Variants in TENM4 observed in about 807,000 individuals in gnomAD.
TENM4 encodes the protein teneurin transmembrane protein 4.
A neutral mutation model predicts 243.3 loss-of-function variants in TENM4; 82 were observed. The ratio of observed to expected loss-of-function variants is 0.34; its 90% CI spans 0.28 to 0.40. The LOEUF (loss-of-function observed/expected upper bound fraction) is 0.40. Ranked by LOEUF, TENM4 falls within the 10% of genes least tolerant of loss-of-function variation. The pLI is 1.00. For missense variants in TENM4, 3,138 were observed against 3,673.3 expected (o/e 0.85, Z 3.77); for synonymous variants, 1,412 against 1,456.3 (o/e 0.97, Z 0.69).
intron 4 of TENM4, among the ~76,000 whole-genome samples, chr11:79,077,065 A>C (rs1359829217): frequency 6.6e-6 from 1 of 152,164 alleles, no homozygotes; most frequent in East Asian, 1.9e-4. Context: ...TCATTTGGTA[A>C]TCATTGCTAA....
intron 19 of TENM4, among the ~76,000 whole-genome samples, chr11:78,740,941 G>A (rs1006839673): frequency 3.3e-5 from 5 of 152,222 alleles, no homozygotes; most frequent in African/African-American, 1.2e-4. Flanking sequence ...GGGCTCCCGT[G>A]GATTGCTTTT....
intron 3 of TENM4, among the ~76,000 whole-genome samples, chr11:79,168,362 A>T (rs991179477): frequency 1.3e-5 from 2 of 152,128 alleles, no homozygotes; most frequent in Non-Finnish European, 2.9e-5. Flanking sequence ...TTGTGGGAGA[A>T]TGACATGGTG....
intron 19 of TENM4, among the ~76,000 whole-genome samples, chr11:78,755,236 C>T (rs1014255413): frequency 6.6e-6 from 1 of 152,172 alleles, no homozygotes; most frequent in South Asian, 2.1e-4. Context: ...ACGGTCTTGG[C>T]TCACTGCAGC....
chr11:79,360,640 A>C (rs868396434), intron 1 of TENM4, among the ~76,000 whole-genome samples: 104 of 152,206 alleles, frequency 6.8e-4, no homozygotes, highest in Non-Finnish European at 1.4e-3. Context: ...ATGGAGCTAA[A>C]TGCCTCTGTT....
chr11:78,837,765 T>C (rs1048666885), intron 12 of TENM4, among the ~76,000 whole-genome samples: 1 of 152,234 alleles, frequency 6.6e-6, no homozygotes, highest in African/African-American at 2.4e-5. Context: ...CTGAAAATTA[T>C]AAGCATTTTC....
Position 78,738,468 on chromosome 11 carries a change from G to T in TENM4, c.2859C>A (p.Ile953=). ...FVNNPLFGYT[I]SRQDGSFDLV... ...TCTCCTACCTGCCATCTTGCCTGCT[G>T]ATTGTATATCCAAAGAGAGGGTTAT... Residue 953 remains isoleucine, a synonymous_variant, in exon 20 of 34, where the codon ATC becomes ATA. Coordinates refer to ENST00000278550, the MANE Select transcript of TENM4 (RefSeq NM_001098816.3). 1.2e-6 allele frequency: 2 copies of T among 1,613,804 alleles called. No homozygotes were observed. Among genetic ancestry groups the T allele is most frequent in the South Asian group, 1.1e-5 (1 of 91,020 alleles).
At chr11:78,903,562 G>T in intron 6 of TENM4, 39 bp from the exon 7 acceptor site, 2 of 1,540,652 alleles carry the variant, frequency 1.3e-6, no homozygotes. Context: ...GGTGAGCTTG[G>T]TGCTGCCCCT....
At chr11:79,150,297 T>G (rs1479311278) in intron 3 of TENM4, among the ~76,000 whole-genome samples, 1 of 152,194 alleles carries the variant, frequency 6.6e-6, no homozygotes, top group Non-Finnish European at 1.5e-5. Context: ...GATGTGGCTC[T>G]CAAATAAGCC....
chr11:78,931,535 C>T (rs920683353), intron 6 of TENM4, among the ~76,000 whole-genome samples: 1 of 152,228 alleles, frequency 6.6e-6, no homozygotes, highest in Non-Finnish European at 1.5e-5. Flanking sequence ...CCACTGATCT[C>T]ATAAGGAAGG....
chr11:78,968,998 T>C (rs1361623566), intron 6 of TENM4, among the ~76,000 whole-genome samples: 2 of 152,318 alleles, frequency 1.3e-5, no homozygotes, highest in East Asian at 3.9e-4. Flanking sequence ...TTTACTTCTC[T>C]TAGTGTTAAT....
In TENM4 at chr11:78,934,997, CTTTTTTTTTTT is replaced by C. The variant is rs530062569; in HGVS notation, c.494-31485_494-31475del. ...ATTTTGTGAGTGAGGAAGTATGCAA[CTTTTTTTTTTT>C]TTTTTTTTTTTTTTGAGACGGAGTC... On this transcript the variant is annotated intron_variant, in intron 6 of 33. Transcript: ENST00000278550. 8.6e-5 allele frequency among the ~76,000 whole-genome samples: 7 copies of C among 81,106 alleles called. No homozygotes were observed. In the South Asian group the frequency reaches 3.1e-3, roughly 36 times the overall value. The allele number at this position is 81,106 out of a possible 152,430, so 53.2% of individuals were successfully genotyped here.
chr11:79,237,223 C>G (rs1403938018), intron 2 of TENM4, among the ~76,000 whole-genome samples: 1 of 152,126 alleles, frequency 6.6e-6, no homozygotes, highest in Non-Finnish European at 1.5e-5. Flanking sequence ...CCCAAACATA[C>G]ATTGCGCCTT....
intron 19 of TENM4, among the ~76,000 whole-genome samples, chr11:78,740,023 T>C (rs548918302): frequency 2.0e-4 from 31 of 152,308 alleles, no homozygotes; most frequent in South Asian, 1.0e-3. Flanking sequence ...GATCCGCACA[T>C]TGGGGAGAAA....
At chr11:79,277,992 A>AGGAG (rs1235204289) in intron 2 of TENM4, among the ~76,000 whole-genome samples, 3 of 152,220 alleles carry the variant, frequency 2.0e-5, no homozygotes, top group Non-Finnish European at 4.4e-5. Context: ...CTTTCTACAA[A>AGGAG]GTGCAAAAGA....
At chr11:79,059,714 C>A (rs1052426528) in intron 6 of TENM4, among the ~76,000 whole-genome samples, 1 of 152,170 alleles carries the variant, frequency 6.6e-6, no homozygotes, top group Non-Finnish European at 1.5e-5. Context: ...TTATCCCAAA[C>A]TGAAAATCTG....
At chr11:78,918,144 T>C (rs530347364) in intron 6 of TENM4, among the ~76,000 whole-genome samples, 1 of 152,202 alleles carries the variant, frequency 6.6e-6, no homozygotes, top group South Asian at 2.1e-4. Context: ...CTCACTGACC[T>C]GTACGTTTCA....
At chr11:79,097,969 C>G (rs543819151) in intron 4 of TENM4, 1 of 151,916 alleles carries the variant, frequency 6.6e-6, no homozygotes, top group Admixed American at 6.5e-5. Context: ...CTTAGTAAAA[C>G]AAAAAACGAT....
intron 15 of TENM4, among the ~76,000 whole-genome samples, chr11:78,804,343 C>G (rs1456656663): frequency 2.0e-5 from 3 of 152,162 alleles, no homozygotes; most frequent in African/African-American, 4.8e-5. Flanking sequence ...GGTCTCCATC[C>G]TCTCTGATTA....
At chr11:79,439,895 C>G (rs1859362498) in intron 1 of TENM4, among the ~76,000 whole-genome samples, 1 of 152,178 alleles carries the variant, frequency 6.6e-6, no homozygotes, top group South Asian at 2.1e-4. Flanking sequence ...CAGTTGGCTC[C>G]TAGACGAACA....
Sources: gnomAD v4.1 joint callset for allele counts (sites outside exome capture counted in the v4.1 genomes callset) on GRCh38, gnomAD v4.1.1 for gene constraint, MANE v1.5 for transcripts, NCBI Gene and HGNC (gene_info 2026-07-23, HGNC 2026-07-21) for gene names.